Variants in KIAA1217 observed in about 807,000 individuals in gnomAD.
The protein encoded by KIAA1217 is sickle tail protein homolog.
Under a neutral mutation model 163.9 loss-of-function variants are expected in KIAA1217, and 88 were observed. That is an observed-to-expected ratio of 0.54 (90% CI 0.45 to 0.64). KIAA1217 has a LOEUF of 0.64. Among genes scored for constraint, KIAA1217 ranks in the 30% least tolerant of loss-of-function variants. KIAA1217 has a pLI of 0.00. For missense variants in KIAA1217, 2,372 were observed against 2,475.0 expected, an observed-to-expected ratio of 0.96 and a Z score of 0.88; for synonymous variants, 903 against 923.1, an observed-to-expected ratio of 0.98 and a Z score of 0.39.
At chr10:24,060,973 A>G (rs1258328094) in intron 2 of KIAA1217, among the ~76,000 whole-genome samples, 2 of 152,192 alleles carry the variant, frequency 1.3e-5, no homozygotes, top group East Asian at 3.8e-4. Flanking sequence ...GGTTGCTCAA[A>G]TTCACTGTAT....
At chr10:24,381,130 C>A in intron 3 of KIAA1217, 63 bp downstream of exon 3, 2 of 1,226,932 alleles carry the variant, frequency 1.6e-6, no homozygotes, top group Admixed American at 2.6e-5. Context: ...TGTTATACTA[C>A]TGAACCTATA....
chr10:23,841,394 C>T (rs781701818), intron 1 of KIAA1217, among the ~76,000 whole-genome samples: 5 of 152,144 alleles, frequency 3.3e-5, no homozygotes, highest in Non-Finnish European at 5.9e-5. Flanking sequence ...TGAAATGGTA[C>T]ACAGTCCTCG....
At chr10:24,435,962 G>T (rs1216762080) in intron 4 of KIAA1217, among the ~76,000 whole-genome samples, 4 of 151,902 alleles carry the variant, frequency 2.6e-5, no homozygotes, top group Non-Finnish European at 5.9e-5. Context: ...CTGGGTTCAA[G>T]TAATTCTCAT....
chr10:23,748,531 G>A (rs1839544815), intron 1 of KIAA1217, among the ~76,000 whole-genome samples: 2 of 136,712 alleles, frequency 1.5e-5, no homozygotes, highest in Non-Finnish European at 3.1e-5. Flanking sequence ...AGGAAGGAGA[G>A]GGGAGGGGAG....
At chr10:24,063,039 G>A (rs1326162558) in intron 2 of KIAA1217, among the ~76,000 whole-genome samples, 7 of 151,040 alleles carry the variant, frequency 4.6e-5, no homozygotes, top group African/African-American at 9.7e-5. Context: ...CTGGATATTA[G>A]CCCTTTGTCA....
intron 5 of KIAA1217, among the ~76,000 whole-genome samples, chr10:24,446,674 A>G (rs2060962363): frequency 6.6e-6 from 1 of 152,244 alleles, no homozygotes; most frequent in Non-Finnish European, 1.5e-5. Flanking sequence ...CAACGGTATC[A>G]ATAACTAACA....
chr10:23,838,044 C>A (rs1212567941), intron 1 of KIAA1217, among the ~76,000 whole-genome samples: 1 of 152,166 alleles, frequency 6.6e-6, no homozygotes, highest in Admixed American at 6.5e-5. Context: ...CTCAGCAAAC[C>A]TAAGACCTGG....
At chr10:24,233,499 T>C (rs2071745214) in intron 2 of KIAA1217, among the ~76,000 whole-genome samples, 1 of 152,174 alleles carries the variant, frequency 6.6e-6, no homozygotes, top group Non-Finnish European at 1.5e-5. Flanking sequence ...ATCTCTTTAG[T>C]GGAAACAGTA....
intron 1 of KIAA1217, among the ~76,000 whole-genome samples, chr10:23,966,649 T>A (rs1393937991): frequency 6.6e-6 from 1 of 152,218 alleles, no homozygotes; most frequent in Non-Finnish European, 1.5e-5. Flanking sequence ...ATACTTGTTT[T>A]CCCAAGCTCC....
At chr10:23,780,362 T>A (rs766076577) in intron 1 of KIAA1217, among the ~76,000 whole-genome samples, 2 of 152,212 alleles carry the variant, frequency 1.3e-5, no homozygotes, top group African/African-American at 4.8e-5. Context: ...ACATGACAGA[T>A]CTTTAGACTT....
intron 5 of KIAA1217, among the ~76,000 whole-genome samples, chr10:24,444,685 G>A (rs1277199387): frequency 6.6e-6 from 1 of 152,178 alleles, no homozygotes; most frequent in Admixed American, 6.5e-5. Flanking sequence ...AGGACCCACT[G>A]TAAAAATATC....
intron 2 of KIAA1217, among the ~76,000 whole-genome samples, chr10:24,007,539 T>G (rs549630301): frequency 3.3e-5 from 5 of 152,166 alleles, no homozygotes; most frequent in Admixed American, 6.6e-5. Context: ...TTCCCACAGG[T>G]ATTTGTTCTG....
intron 1 of KIAA1217, among the ~76,000 whole-genome samples, chr10:23,898,567 CT>C (rs1308839813): frequency 1.3e-5 from 2 of 152,002 alleles, no homozygotes; most frequent in African/African-American, 2.4e-5. Flanking sequence ...CTGCAACTTT[CT>C]TCTTAAAATT....
intron 1 of KIAA1217, among the ~76,000 whole-genome samples, chr10:23,917,753 C>T (rs1842685887): frequency 6.6e-6 from 1 of 152,186 alleles, no homozygotes; most frequent in Non-Finnish European, 1.5e-5. Flanking sequence ...TTCTCGCTCC[C>T]ACAGCACATC....
chr10:23,729,028 A>G (rs1838326758), intron 1 of KIAA1217, among the ~76,000 whole-genome samples: 1 of 152,142 alleles, frequency 6.6e-6, no homozygotes, highest in Non-Finnish European at 1.5e-5. Context: ...TCAGAATGTC[A>G]TACAGTTTGA....
In KIAA1217 at chr10:24,350,377, C is replaced by A. The variant is rs185300622; in HGVS notation, c.355-30492C>A. ...GAGGCAGTCTGGTTTAGATCGTGAACTACCCAAAGGAAAGTTACTTGGCAT... is the reference window on the plus strand; with the variant it reads ...GAGGCAGTCTGGTTTAGATCGTGAAATACCCAAAGGAAAGTTACTTGGCAT... On this transcript the variant is annotated intron_variant, in intron 2 of 20. Transcript: ENST00000376454. Among the ~76,000 whole-genome samples the A allele has an allele frequency of 7.9e-5, 12 of 152,278 alleles. No individual in the cohort carries two copies. In the East Asian group the frequency reaches 2.3e-3, roughly 29 times the overall value.
intron 2 of KIAA1217, among the ~76,000 whole-genome samples, chr10:24,181,174 G>C (rs1407499926): frequency 6.6e-6 from 1 of 152,212 alleles, no homozygotes; most frequent in Non-Finnish European, 1.5e-5. Flanking sequence ...CAATGAACAA[G>C]GACTTAAGAT....
At chr10:23,795,196 A>T (rs935407233) in intron 1 of KIAA1217, among the ~76,000 whole-genome samples, 2 of 151,964 alleles carry the variant, frequency 1.3e-5, no homozygotes, top group African/African-American at 2.4e-5. Context: ...TCAAGAAAGG[A>T]CCTCCTTTGA....
intron 1 of KIAA1217, among the ~76,000 whole-genome samples, chr10:23,943,449 C>A (rs985128054): frequency 6.6e-6 from 1 of 152,104 alleles, no homozygotes; most frequent in Admixed American, 6.5e-5. Context: ...AACTATAAAA[C>A]ATTTCTGATA....
Sources: allele counts gnomAD v4.1 joint callset (sites outside exome capture counted in the v4.1 genomes callset), GRCh38; gene constraint gnomAD v4.1.1; transcripts MANE v1.5; gene names NCBI Gene and HGNC (gene_info 2026-07-23, HGNC 2026-07-21).